SYN3: variants seen among roughly 807,000 people sequenced by gnomAD.
The protein encoded by SYN3 is synapsin III.
A neutral mutation model predicts 65.8 loss-of-function variants in SYN3; 35 were observed. The observed-to-expected ratio is 0.53, with a 90% CI of 0.41 to 0.70. The LOEUF (loss-of-function observed/expected upper bound fraction) is 0.70. SYN3 is among the 30% of genes least tolerant of loss of function. SYN3 has a pLI of 0.00. For missense variants in SYN3, 680 were observed against 749.0 expected, an observed-to-expected ratio of 0.91 and a Z score of 1.08; for synonymous variants, 270 against 292.9, an observed-to-expected ratio of 0.92 and a Z score of 0.80.
chr22:32,549,849 G>A lies in SYN3; in HGVS notation c.775-8136C>T, dbSNP rs369725899. ...GGTTGCAGTGAGCTGAGATTGCACCGTTGTACTCCAGCCTGGGCAGCACAG... is the reference window on the plus strand; with the variant it reads ...GGTTGCAGTGAGCTGAGATTGCACCATTGTACTCCAGCCTGGGCAGCACAG... On this transcript the variant is annotated intron_variant, in intron 7 of 13. Transcript: ENST00000358763. Among the ~76,000 whole-genome samples, 115 of 148,626 alleles carry A rather than the reference G, an allele frequency of 7.7e-4. 1 individual carries two copies. The highest frequency in any genetic ancestry group is 1.4e-3 in the East Asian group (7 of 5,046).
chr22:32,855,856 A>T (rs528863774), intron 6 of SYN3, among the ~76,000 whole-genome samples: 73 of 152,342 alleles, frequency 4.8e-4, no homozygotes, highest in African/African-American at 1.7e-3. Context: ...GTAGATACAA[A>T]TAGCCAAATA....
At chr22:32,766,303 T>TA (rs1294119293) in intron 6 of SYN3, among the ~76,000 whole-genome samples, 1 of 152,126 alleles carries the variant, frequency 6.6e-6, no homozygotes, top group Non-Finnish European at 1.5e-5. Flanking sequence ...TCACCTAGAA[T>TA]AGAAGCTCCA....
intron 1 of SYN3, among the ~76,000 whole-genome samples, chr22:33,024,266 A>G (rs1364993731): frequency 6.6e-6 from 1 of 152,182 alleles, no homozygotes; most frequent in Non-Finnish European, 1.5e-5. Flanking sequence ...GCTTCTTTCC[A>G]TCACAGACCT....
chr22:32,894,793 G>A (rs553732909), intron 4 of SYN3, among the ~76,000 whole-genome samples: 3 of 152,312 alleles, frequency 2.0e-5, no homozygotes, highest in African/African-American at 4.8e-5. Context: ...GCCATTGTGG[G>A]TGGGCTTCAT....
chr22:32,938,472 G>A (rs554303204), intron 3 of SYN3, among the ~76,000 whole-genome samples: 10 of 151,302 alleles, frequency 6.6e-5, no homozygotes, highest in African/African-American at 2.2e-4. Flanking sequence ...AGAGCTTGCA[G>A]TGAGCAGCAA....
At chr22:32,926,401 T>C (rs1429799942) in intron 4 of SYN3, among the ~76,000 whole-genome samples, 1 of 152,258 alleles carries the variant, frequency 6.6e-6, no homozygotes, top group African/African-American at 2.4e-5. Context: ...CTTATAGTTT[T>C]GTCCATTTTT....
intron 6 of SYN3, among the ~76,000 whole-genome samples, chr22:32,856,498 G>A (rs1043060449): frequency 2.6e-5 from 4 of 152,068 alleles, no homozygotes; most frequent in African/African-American, 4.8e-5. Context: ...AGCCTTCTGG[G>A]TACTGAGACT....
rs547793983 is a variant in SYN3, at chr22:32,822,627, C to T, written c.711+42288G>A. On this transcript the variant is annotated intron_variant, in intron 6 of 13. Transcript: ENST00000358763. ...CCCAAATTAATCTAAATGTCTATTGCAAATAGACTGCTTAGATTATGGTGC... is the reference window on the plus strand; with the variant it reads ...CCCAAATTAATCTAAATGTCTATTGTAAATAGACTGCTTAGATTATGGTGC... 1.2e-4 allele frequency among the ~76,000 whole-genome samples: 19 copies of T among 152,302 alleles called. No homozygotes were observed. The South Asian group carries it at 3.7e-3, about 30-fold the overall frequency.
chr22:32,761,636 T>C (rs932262132), intron 6 of SYN3, among the ~76,000 whole-genome samples: 2 of 152,190 alleles, frequency 1.3e-5, no homozygotes, highest in Non-Finnish European at 2.9e-5. Flanking sequence ...GAATGCAGTA[T>C]AGTCCCAGAG....
At position 33,027,144 on chromosome 22, in the gene SYN3, C is replaced by A. The variant is rs189451095; in HGVS notation, c.-162-20320G>T. Among the ~76,000 whole-genome samples the A allele has an allele frequency of 3.9e-5, 6 of 152,152 alleles. No individual in the cohort carries two copies. The East Asian group carries it at 1.2e-3, about 29-fold the overall frequency. On this transcript the variant is annotated intron_variant, in intron 1 of 13. Coordinates refer to ENST00000358763, the MANE Select transcript of SYN3 (RefSeq NM_003490.4). ...ATAGAACTTCCCTCTATAGTGTTTCCAATGTCAAATTCATTGCTGTCATTT... is the reference window on the plus strand; with the variant it reads ...ATAGAACTTCCCTCTATAGTGTTTCAAATGTCAAATTCATTGCTGTCATTT...
chr22:32,955,375 G>A (rs1217882708), intron 3 of SYN3, among the ~76,000 whole-genome samples: 1 of 152,052 alleles, frequency 6.6e-6, no homozygotes, highest in African/African-American at 2.4e-5. Flanking sequence ...TAGGGGGTGG[G>A]GGGCAAGCAT....
intron 1 of SYN3, among the ~76,000 whole-genome samples, chr22:33,024,938 C>T (rs572447457): frequency 1.3e-5 from 2 of 152,262 alleles, no homozygotes; most frequent in African/African-American, 4.8e-5. Flanking sequence ...GCAGGAGATG[C>T]GTGAAGGACG....
chr22:32,807,387 T>A (rs370522755), intron 6 of SYN3, among the ~76,000 whole-genome samples: 6 of 98,812 alleles, frequency 6.1e-5, no homozygotes, highest in Non-Finnish European at 1.2e-4. Flanking sequence ...TAATATATAT[T>A]ATATATAATA....
At chr22:32,649,565 A>AC (rs1246505865) in intron 6 of SYN3, among the ~76,000 whole-genome samples, 2 of 152,206 alleles carry the variant, frequency 1.3e-5, no homozygotes, top group African/African-American at 4.8e-5. Context: ...AACTCCCAGA[A>AC]CATGCTCTTC....
At chr22:32,567,224 G>A (rs1480626777) in intron 7 of SYN3, among the ~76,000 whole-genome samples, 2 of 152,132 alleles carry the variant, frequency 1.3e-5, no homozygotes, top group Non-Finnish European at 2.9e-5. Flanking sequence ...CTCCAACTGT[G>A]CTCAGCAGTG....
At position 33,043,156 on chromosome 22, in the gene SYN3, G is replaced by A. The variant is rs188551700; in HGVS notation, c.-163+15136C>T. ...CACATAAGCTAGTGACTGGTCTATAGTAAGTACCTTATGTATGTTGTTGCT... is the reference window on the plus strand; with the variant it reads ...CACATAAGCTAGTGACTGGTCTATAATAAGTACCTTATGTATGTTGTTGCT... On this transcript the variant is annotated intron_variant, in intron 1 of 13. Transcript: ENST00000358763. Among the ~76,000 whole-genome samples the A allele has an allele frequency of 1.7e-3, 259 of 152,336 alleles. 1 individual carries two copies. Among genetic ancestry groups the A allele is most frequent in the Non-Finnish European group, 3.0e-3 (205 of 68,028 alleles).
At chr22:32,989,390 T>C (rs1390845133) in intron 2 of SYN3, among the ~76,000 whole-genome samples, 1 of 152,180 alleles carries the variant, frequency 6.6e-6, no homozygotes, top group African/African-American at 2.4e-5. Flanking sequence ...CCTAAGAACA[T>C]GACAGGTCAT....
chr22:32,533,844 G>C lies in SYN3; in HGVS notation c.1044C>G (p.Ile348Met). 6.2e-7 allele frequency: 1 copy of C among 1,614,018 alleles called. No individual in the cohort carries two copies. The highest frequency in any genetic ancestry group is 1.1e-5 in the South Asian group (1 of 91,076). ...SCSEMFGGLD[I>M]CAVKAVHSKD... is the part of the protein sequence containing the mutation. ...TGCTGTGGACAGCCTTGACGGCACA[G>C]ATGTCCAGGCCGCCAAACATTTCCG... Residue 348 changes from isoleucine to methionine, a missense_variant, in exon 10 of 14, where the codon ATC (isoleucine) becomes ATG (methionine). By Grantham distance (10) the Ile-to-Met change is conservative (BLOSUM62 1). Transcript: ENST00000358763.
chr22:32,654,122 A>G (rs887922233), intron 6 of SYN3, among the ~76,000 whole-genome samples: 8 of 152,218 alleles, frequency 5.3e-5, no homozygotes, highest in African/African-American at 1.9e-4. Context: ...CCTGAGAGTT[A>G]AGAGAGGACA....
Sources: allele counts gnomAD v4.1 joint callset (sites outside exome capture counted in the v4.1 genomes callset), GRCh38; gene constraint gnomAD v4.1.1; transcripts MANE v1.5; gene names NCBI Gene and HGNC (gene_info 2026-07-23, HGNC 2026-07-21).